SLC12A8: variants seen among roughly 807,000 people sequenced by gnomAD.
The protein encoded by SLC12A8 is cation-chloride cotransporter 9.
In SLC12A8, 69 loss-of-function variants were observed where a neutral mutation model predicts 75.6. The observed-to-expected ratio is 0.91, with a 90% CI of 0.75 to 1.11. SLC12A8 has a LOEUF of 1.11. Ranked by LOEUF, SLC12A8 falls within the 50% of genes most tolerant of loss-of-function variation. The pLI is 0.00. For synonymous variants in SLC12A8, 365 were observed against 372.8 expected, an observed-to-expected ratio of 0.98 and a Z score of 0.24; for missense variants, 877 against 896.7, an observed-to-expected ratio of 0.98 and a Z score of 0.28.
At chr3:125,162,087 C>T (rs752318701) in intron 5 of SLC12A8, among the ~76,000 whole-genome samples, 26 of 152,232 alleles carry the variant, frequency 1.7e-4, no homozygotes, top group Admixed American at 2.6e-4. Context: ...GGAAGGTTGG[C>T]GCCTCTCTGG....
intron 2 of SLC12A8, among the ~76,000 whole-genome samples, chr3:125,207,105 C>A (rs1247777550): frequency 6.6e-6 from 1 of 152,080 alleles, no homozygotes; most frequent in Non-Finnish European, 1.5e-5. Flanking sequence ...AGAGTCAGAA[C>A]CCAGGCAGGT....
At chr3:125,106,442 A>G (rs1180201604) in intron 10 of SLC12A8, among the ~76,000 whole-genome samples, 1 of 151,856 alleles carries the variant, frequency 6.6e-6, no homozygotes, top group Non-Finnish European at 1.5e-5. Flanking sequence ...GGCTCACTGC[A>G]ACCTCTGCCT....
At chr3:125,191,247 T>C (rs955904406) in intron 2 of SLC12A8, among the ~76,000 whole-genome samples, 1 of 152,190 alleles carries the variant, frequency 6.6e-6, no homozygotes, top group Non-Finnish European at 1.5e-5. Flanking sequence ...AAAAAACAGA[T>C]TCCTTGCTCA....
At chr3:125,137,958 C>T (rs1044402906) in intron 5 of SLC12A8, among the ~76,000 whole-genome samples, 4 of 151,964 alleles carry the variant, frequency 2.6e-5, no homozygotes, top group Admixed American at 2.0e-4. Flanking sequence ...CGCTCACACT[C>T]ACACGCTCAC....
At chr3:125,087,618 GCT>G (rs1938492518) in intron 13 of SLC12A8, among the ~76,000 whole-genome samples, 1 of 152,138 alleles carries the variant, frequency 6.6e-6, no homozygotes, top group African/African-American at 2.4e-5. Context: ...TGCAGCTCTA[GCT>G]CCTCACTGAT....
chr3:125,097,446 T>G (rs1938744515), intron 10 of SLC12A8, among the ~76,000 whole-genome samples: 1 of 152,020 alleles, frequency 6.6e-6, no homozygotes, highest in Non-Finnish European at 1.5e-5. Flanking sequence ...TTGCATCTCT[T>G]TGAGATCTGT....
At chr3:125,119,760 A>G in intron 7 of SLC12A8, 1 of 428,698 alleles carries the variant, frequency 2.3e-6, no homozygotes, top group South Asian at 1.7e-5. Context: ...TTTGTGAAAC[A>G]GATACATTAA....
At chr3:125,129,344 GCTTGGAGAAGGAATGCA>G in intron 6 of SLC12A8, among the ~76,000 whole-genome samples, 1 of 152,198 alleles carries the variant, frequency 6.6e-6, no homozygotes, top group East Asian at 1.9e-4. Context: ...TGGTAGTGGA[GCTTGGAGAAGGAATGCA>G]CTTTGAGAAG....
rs181116997 is a variant in SLC12A8, at chr3:125,170,333, G to A, written c.622+7410C>T. 2.5e-3 allele frequency among the ~76,000 whole-genome samples: 378 copies of A among 152,322 alleles called. 1 individual carries two copies. The highest frequency in any genetic ancestry group is 8.4e-3 in the African/African-American group (350 of 41,552). ...ATTAGCTCAAACTTTTGTGCAGGAT[G>A]TACACATCAGCAATATTTATGATAG... On this transcript the variant is annotated intron_variant, in intron 5 of 13. Transcript: ENST00000469902.
intron 4 of SLC12A8, among the ~76,000 whole-genome samples, chr3:125,185,693 A>G (rs1476052233): frequency 6.6e-6 from 1 of 152,230 alleles, no homozygotes; most frequent in African/African-American, 2.4e-5. Flanking sequence ...CCTCATGAAT[A>G]TATACACAAA....
In SLC12A8 at chr3:125,120,964, G is replaced by C. The variant is rs76202207; in HGVS notation, c.737-278C>G. The C allele has an allele frequency of 5.6e-3, 3,742 of 669,434 alleles. 76 individuals carry two copies. In the African/African-American group the frequency reaches 0.056, roughly 10 times the overall value. 41.5% of individuals were successfully genotyped at this position (669,434 alleles called of 1,614,324 possible). A position where few individuals can be genotyped will look rare whatever the true frequency, so the allele number is the denominator to read the frequency against. On this transcript the variant is annotated intron_variant, in intron 6 of 13. Transcript: ENST00000469902. Reference sequence around the variant, plus strand: ...CTACCGCTCAGCGCAAAGCAACCAGGGGGGAGGAAAGCGGCTTGCAAGGCA... The same window carrying C: ...CTACCGCTCAGCGCAAAGCAACCAGCGGGGAGGAAAGCGGCTTGCAAGGCA...
chr3:125,159,092 G>GA (rs1175913653), intron 5 of SLC12A8, among the ~76,000 whole-genome samples: 4 of 152,114 alleles, frequency 2.6e-5, no homozygotes, highest in Non-Finnish European at 2.9e-5. Flanking sequence ...CTTTCTAAAT[G>GA]AAAAATGATA....
intron 2 of SLC12A8, among the ~76,000 whole-genome samples, chr3:125,205,590 C>T (rs1295549412): frequency 6.6e-6 from 1 of 152,176 alleles, no homozygotes; most frequent in Non-Finnish European, 1.5e-5. Context: ...TGAAATGCTT[C>T]CGCCGCATCT....
chr3:125,211,301 G>T lies in SLC12A8; in HGVS notation c.49C>A (p.Gln17Lys). The T allele has an allele frequency of 6.2e-7, 1 of 1,613,290 alleles. No homozygotes were observed. The change falls in exon 2 of 14, where the codon CAG becomes AAG. Residue 17 changes from glutamine to lysine, a missense_variant and splice_region_variant. By Grantham distance (53) the Gln-to-Lys change is moderately conservative. Coordinates refer to ENST00000469902, the MANE Select transcript of SLC12A8 (RefSeq NM_024628.6). ...ACCCTGGCACATCCTGAGCCTACCT[G>T]CTGGGCTGCCTCATGGAAGAGCTCC... The part of the protein sequence containing the change: ...VQELFHEAAQ[Q>K]DALAQPQPWW...
At chr3:125,205,318 C>G (rs547861771) in intron 2 of SLC12A8, among the ~76,000 whole-genome samples, 2 of 152,284 alleles carry the variant, frequency 1.3e-5, no homozygotes, top group South Asian at 4.2e-4. Context: ...GCATCGACCT[C>G]TGCATGTTCT....
chr3:125,184,694 A>C (rs986319647), intron 4 of SLC12A8, among the ~76,000 whole-genome samples: 1 of 151,868 alleles, frequency 6.6e-6, no homozygotes, highest in African/African-American at 2.4e-5. Flanking sequence ...TAGAGGAAGG[A>C]GGAGCTCAAA....
At chr3:125,192,072 C>T (rs1157299977) in intron 2 of SLC12A8, among the ~76,000 whole-genome samples, 4 of 152,198 alleles carry the variant, frequency 2.6e-5, no homozygotes, top group East Asian at 3.9e-4. Flanking sequence ...ATCCTCATCT[C>T]GAAATTCAGG....
intron 5 of SLC12A8, among the ~76,000 whole-genome samples, chr3:125,176,567 C>G (rs1370503560): frequency 6.6e-6 from 1 of 152,116 alleles, no homozygotes; most frequent in Non-Finnish European, 1.5e-5. Flanking sequence ...ATTTTTGCAA[C>G]CTACTCATCT....
chr3:125,151,210 C>T (rs1260358699), intron 5 of SLC12A8: 1 of 152,188 alleles, frequency 6.6e-6, no homozygotes, highest in Non-Finnish European at 1.5e-5. Flanking sequence ...ATTGAGGAGG[C>T]TAATTGGAGA....
Sources: gnomAD v4.1 joint callset for allele counts (sites outside exome capture counted in the v4.1 genomes callset) on GRCh38, gnomAD v4.1.1 for gene constraint, MANE v1.5 for transcripts, NCBI Gene and HGNC (gene_info 2026-07-23, HGNC 2026-07-21) for gene names.